STK32B: variants seen among roughly 807,000 people sequenced by gnomAD.
The protein encoded by STK32B is serine/threonine-protein kinase 32B.
STK32B carries 43 observed loss-of-function variants against 52.6 expected under a neutral mutation model. The observed-to-expected ratio is 0.82, with a 90% CI of 0.64 to 1.05. STK32B has a LOEUF of 1.05. Ranked by LOEUF, STK32B falls within the 50% of genes least tolerant of loss-of-function variation. The pLI is 0.00. For synonymous variants in STK32B, 238 were observed against 204.3 expected, an observed-to-expected ratio of 1.17 and a Z score of -1.41; for missense variants, 621 against 534.6, an observed-to-expected ratio of 1.16 and a Z score of -1.59.
intron 3 of STK32B, among the ~76,000 whole-genome samples, chr4:5,265,348 T>TA (rs1359387429): frequency 1.3e-5 from 2 of 152,256 alleles, no homozygotes; most frequent in Admixed American, 1.3e-4. Flanking sequence ...ACCTGCTGCA[T>TA]ACATGGGCTT....
rs372635468 is a variant in STK32B at position 5,353,107 on chromosome 4, A to G, written c.434+21714A>G. Among the ~76,000 whole-genome samples, 17 of 152,268 alleles carry G rather than the reference A, an allele frequency of 1.1e-4. No individual in the cohort carries two copies. The East Asian group carries it at 3.3e-3, about 29-fold the overall frequency. On this transcript the variant is annotated intron_variant, in intron 4 of 11. Coordinates refer to ENST00000282908, the MANE Select transcript of STK32B (RefSeq NM_018401.3). ...AGAAAATACAGAAATAAATCCACAT[A>G]TTTAAGGTAACTGATTTTTGACCAA...
chr4:5,470,268 G>T lies in STK32B; in HGVS notation c.1106+2198G>T, dbSNP rs1029629064. Among the ~76,000 whole-genome samples, 4 of 152,176 alleles carry T rather than the reference G, an allele frequency of 2.6e-5. No individual in the cohort carries two copies. Among genetic ancestry groups the T allele is most frequent in the Non-Finnish European group, 2.9e-5 (2 of 68,032 alleles). On this transcript the variant is annotated intron_variant, in intron 11 of 11. Transcript: ENST00000282908. The surrounding 1 kb of genome is among the most constrained non-coding windows in gnomAD (Gnocchi z 4.6). The stretch of plus-strand genomic sequence containing the variant: ...GGAATTGATGAGGGAAATGCAGTTG[G>T]CCTGTGGACACCCCTGAGATTTGCA...
intron 3 of STK32B, among the ~76,000 whole-genome samples, chr4:5,219,720 C>T (rs1472551035): frequency 1.3e-5 from 2 of 152,244 alleles, no homozygotes; most frequent in Non-Finnish European, 1.5e-5. Flanking sequence ...TTGTCATTGA[C>T]AGCGGGGCTT....
At chr4:5,103,388 A>C (rs940837177) in intron 1 of STK32B, among the ~76,000 whole-genome samples, 30 of 152,058 alleles carry the variant, frequency 2.0e-4, no homozygotes. Context: ...GATATGTCTT[A>C]TTTTTAAACT....
chr4:5,347,454 G>A (rs866002540), intron 4 of STK32B, among the ~76,000 whole-genome samples: 5 of 152,334 alleles, frequency 3.3e-5, no homozygotes, highest in Middle Eastern at 3.4e-3. Context: ...GATTGAATTA[G>A]GGTGGCTCAT....
intron 3 of STK32B, among the ~76,000 whole-genome samples, chr4:5,326,082 A>G (rs1050944988): frequency 1.3e-5 from 2 of 152,184 alleles, no homozygotes; most frequent in Admixed American, 1.3e-4. Context: ...TCATTCCAGT[A>G]TGCAAGTTTC....
intron 1 of STK32B, among the ~76,000 whole-genome samples, chr4:5,109,770 A>G (rs894375277): frequency 1.3e-5 from 2 of 152,250 alleles, no homozygotes; most frequent in African/African-American, 2.4e-5. Flanking sequence ...AGCCAGAGCA[A>G]TCAGGCAGGA....
chr4:5,443,581 T>A (rs1273624716), intron 6 of STK32B, among the ~76,000 whole-genome samples: 1 of 152,222 alleles, frequency 6.6e-6, no homozygotes, highest in Admixed American at 6.5e-5. Context: ...AATTTGATCG[T>A]CTGAAGCCTT....
chr4:5,168,688 G>T (rs1719088144), intron 3 of STK32B, among the ~76,000 whole-genome samples: 1 of 152,178 alleles, frequency 6.6e-6, no homozygotes, highest in African/African-American at 2.4e-5. Context: ...AATAAATGGA[G>T]AAGTGTTTTG....
intron 5 of STK32B, among the ~76,000 whole-genome samples, chr4:5,414,262 A>C (rs912424699): frequency 6.6e-6 from 1 of 151,956 alleles, no homozygotes; most frequent in African/African-American, 2.4e-5. Flanking sequence ...ATATATGATA[A>C]TAATATAAAA....
intron 2 of STK32B, among the ~76,000 whole-genome samples, chr4:5,163,798 A>G (rs1172210179): frequency 6.6e-6 from 1 of 152,216 alleles, no homozygotes; most frequent in Non-Finnish European, 1.5e-5. Context: ...CTGAAATTCC[A>G]AACATTAAAC....
At chr4:5,418,234 T>G (rs1304193670) in intron 6 of STK32B, among the ~76,000 whole-genome samples, 1 of 152,270 alleles carries the variant, frequency 6.6e-6, no homozygotes, top group Non-Finnish European at 1.5e-5. Flanking sequence ...TGTGTTTTTA[T>G]TGCAATGATG....
In STK32B at chr4:5,086,525, A is replaced by G. The variant is rs532065051; in HGVS notation, c.52+34610A>G. 3.3e-5 allele frequency among the ~76,000 whole-genome samples: 5 copies of G among 152,380 alleles called. No individual in the cohort carries two copies. In the East Asian group the frequency reaches 9.6e-4, roughly 29 times the overall value. ...GCAACCCCAGAAGTAGAAGAAAAAG[A>G]GAAAAGAGAAGAAATAATATTTGAA... On this transcript the variant is annotated intron_variant, in intron 1 of 11. Transcript: ENST00000282908.
At chr4:5,439,288 T>G (rs200277888) in intron 6 of STK32B, among the ~76,000 whole-genome samples, 6 of 151,394 alleles carry the variant, frequency 4.0e-5, no homozygotes, top group African/African-American at 9.7e-5. Context: ...TTTTAATGAT[T>G]GCCATTCTAA....
intron 1 of STK32B, among the ~76,000 whole-genome samples, chr4:5,057,749 A>G (rs1279362971): frequency 1.3e-5 from 2 of 152,200 alleles, no homozygotes; most frequent in African/African-American, 4.8e-5. Context: ...GAGAACTGGA[A>G]AAAACAGATA....
intron 5 of STK32B, among the ~76,000 whole-genome samples, chr4:5,414,746 A>G (rs931105450): frequency 4.6e-5 from 7 of 152,236 alleles, no homozygotes; most frequent in African/African-American, 1.7e-4. Flanking sequence ...GCAAAGAGAA[A>G]TCATGGAGGA....
intron 1 of STK32B, among the ~76,000 whole-genome samples, chr4:5,126,784 C>T (rs12651470): frequency 0.24 from 36,490 of 152,002 alleles, 4,551 homozygotes; most frequent in Non-Finnish European, 0.25. Context: ...ACAAATGATT[C>T]GACGGGCAGC....
intron 3 of STK32B, among the ~76,000 whole-genome samples, chr4:5,305,426 G>C (rs1433005356): frequency 6.6e-6 from 1 of 151,908 alleles, no homozygotes; most frequent in Non-Finnish European, 1.5e-5. Flanking sequence ...GGAAGCTTGT[G>C]TATTTCCAGG....
At chr4:5,288,064 C>G (rs975764460) in intron 3 of STK32B, among the ~76,000 whole-genome samples, 8 of 152,156 alleles carry the variant, frequency 5.3e-5, no homozygotes, top group Non-Finnish European at 4.4e-5. Flanking sequence ...AAGATTCACC[C>G]ATGTTATAGC....
Sources: allele counts gnomAD v4.1 joint callset (sites outside exome capture counted in the v4.1 genomes callset), GRCh38; gene constraint gnomAD v4.1.1; non-coding constraint Gnocchi (gnomAD v3.1); transcripts MANE v1.5; gene names NCBI Gene and HGNC (gene_info 2026-07-23, HGNC 2026-07-21).